The following BBS9 variants were observed in gnomAD, a reference collection of about 807,000 sequenced individuals.
BBS9 encodes the protein Bardet-Biedl syndrome 9.
A neutral mutation model predicts 117.7 loss-of-function variants in BBS9; 89 were observed. The observed-to-expected ratio is 0.76, with a 90% confidence interval of 0.64 to 0.90. BBS9 has a LOEUF of 0.90. Ranked by LOEUF, BBS9 falls within the 40% of genes least tolerant of loss-of-function variation. BBS9 has a pLI of 0.00. For missense variants in BBS9, 982 were observed against 1,042.2 expected, an observed-to-expected ratio of 0.94 and a Z score of 0.80; for synonymous variants, 379 against 370.9, an observed-to-expected ratio of 1.02 and a Z score of -0.25.
intron 9 of BBS9, among the ~76,000 whole-genome samples, chr7:33,323,798 G>A: frequency 6.9e-6 from 1 of 145,894 alleles, no homozygotes; most frequent in South Asian, 2.2e-4. Context: ...GTGGTTTCTG[G>A]TCTTCTCTTC....
At chr7:33,584,309 AT>A (rs1269961902) in intron 21 of BBS9, among the ~76,000 whole-genome samples, 2 of 152,024 alleles carry the variant, frequency 1.3e-5, no homozygotes, top group Non-Finnish European at 2.9e-5. Context: ...TAATGCATAC[AT>A]TTCTTCCTTT....
chr7:33,219,115 C>T (rs1294381299), intron 5 of BBS9, among the ~76,000 whole-genome samples: 1 of 152,218 alleles, frequency 6.6e-6, no homozygotes, highest in East Asian at 1.9e-4. Context: ...GGCTTAGCAC[C>T]CAGGCCAGCA....
At chr7:33,331,101 A>G (rs946628909) in intron 9 of BBS9, among the ~76,000 whole-genome samples, 6 of 152,242 alleles carry the variant, frequency 3.9e-5, no homozygotes, top group Non-Finnish European at 4.4e-5. Flanking sequence ...CCAGGGATGC[A>G]GGGATGATTT....
intron 9 of BBS9, among the ~76,000 whole-genome samples, chr7:33,302,390 G>C (rs1806664805): frequency 6.6e-6 from 1 of 152,028 alleles, no homozygotes; most frequent in African/African-American, 2.4e-5. Flanking sequence ...GTGTTTTCTT[G>C]TAGTGGTTTC....
intron 10 of BBS9, among the ~76,000 whole-genome samples, chr7:33,340,480 A>G (rs1306070331): frequency 6.6e-6 from 1 of 152,162 alleles, no homozygotes. Flanking sequence ...AACTACTAAC[A>G]TTAGAGACCT....
chr7:33,488,418 T>C (rs1843407571), intron 19 of BBS9, among the ~76,000 whole-genome samples: 1 of 152,206 alleles, frequency 6.6e-6, no homozygotes, highest in African/African-American at 2.4e-5. Context: ...AAAGTTGTTG[T>C]GAATACTTAA....
At chr7:33,301,058 T>G (rs1584194042) in intron 9 of BBS9, among the ~76,000 whole-genome samples, 1 of 152,190 alleles carries the variant, frequency 6.6e-6, no homozygotes, top group East Asian at 1.9e-4. Flanking sequence ...TTATTACTTC[T>G]TTGAAGGTAC....
At chr7:33,499,143 A>G (rs1031248470) in intron 19 of BBS9, among the ~76,000 whole-genome samples, 1 of 152,224 alleles carries the variant, frequency 6.6e-6, no homozygotes, top group East Asian at 1.9e-4. Flanking sequence ...GAATCCTATT[A>G]TGTGTGCAAA....
intron 19 of BBS9, among the ~76,000 whole-genome samples, chr7:33,401,054 T>A (rs978139084): frequency 2.0e-5 from 3 of 152,242 alleles, no homozygotes; most frequent in Non-Finnish European, 4.4e-5. Context: ...CCTTTTTATA[T>A]GATTTCCATA....
At position 33,313,920 on chromosome 7, in the gene BBS9, C is replaced by T. The variant is rs150188890; in HGVS notation, c.1017-22521C>T. ...GAGCAAAACATACCTCAGTATAAATCAGGAAACTGAGGTTCTAGGTTTGAT... is the reference window on the plus strand; with the variant it reads ...GAGCAAAACATACCTCAGTATAAATTAGGAAACTGAGGTTCTAGGTTTGAT... On this transcript the variant is annotated intron_variant, in intron 9 of 22. Transcript: ENST00000242067. Among the ~76,000 whole-genome samples the T allele has an allele frequency of 2.2e-3, 328 of 152,246 alleles. 3 individuals are homozygous for T. The highest frequency in any genetic ancestry group is 0.016 in the Admixed American group (239 of 15,296).
intron 21 of BBS9, among the ~76,000 whole-genome samples, chr7:33,581,054 GGTGTGTATTTT>G (rs1859793798): frequency 6.6e-6 from 1 of 151,346 alleles, no homozygotes. Context: ...CTTACCGAAA[GGTGTGTATTTT>G]GTGTGTATTT....
chr7:33,152,610 T>G, intron 2 of BBS9, 91 bp from the exon 3 acceptor site: 1 of 1,234,942 alleles, frequency 8.1e-7, no homozygotes, highest in Non-Finnish European at 1.1e-6. Context: ...AATTTTTAGA[T>G]TTCTCTTTTA....
At chr7:33,286,919 G>A (rs1412549941) in intron 9 of BBS9, among the ~76,000 whole-genome samples, 1 of 152,064 alleles carries the variant, frequency 6.6e-6, no homozygotes, top group Non-Finnish European at 1.5e-5. Context: ...GTTGCTTACT[G>A]TAATATAAAA....
intron 5 of BBS9, among the ~76,000 whole-genome samples, chr7:33,229,186 T>C (rs1441571611): frequency 6.6e-6 from 1 of 152,142 alleles, no homozygotes; most frequent in Non-Finnish European, 1.5e-5. Context: ...TTTTCTTTCA[T>C]TTCTGTGGCA....
rs2128043400 is a variant in BBS9, at chr7:33,129,817, G to A, written c.-236G>A. The A allele has an allele frequency of 6.6e-6, 1 of 152,350 alleles. No individual in the cohort carries two copies. Among genetic ancestry groups the A allele is most frequent in the South Asian group, 2.1e-4 (1 of 4,836 alleles). 9.4% of individuals were successfully genotyped at this position (152,350 alleles called of 1,614,324 possible). The stretch of plus-strand genomic sequence containing the variant: ...GGGGGAATCACTCCAACTCTGTGGA[G>A]CTGGTGGTGCTGCCTGGTGGGGCTC... On this transcript the variant is annotated 5_prime_UTR_variant, in exon 1 of 23. Transcript: ENST00000242067.
chr7:33,367,403 G>A (rs1408646130), intron 16 of BBS9, among the ~76,000 whole-genome samples: 1 of 152,096 alleles, frequency 6.6e-6, no homozygotes, highest in Non-Finnish European at 1.5e-5. Context: ...TCTCTGGCCA[G>A]TAGTAGTCTC....
intron 19 of BBS9, among the ~76,000 whole-genome samples, chr7:33,478,297 G>C (rs1584964582): frequency 6.6e-6 from 1 of 152,110 alleles, no homozygotes; most frequent in Non-Finnish European, 1.5e-5. Flanking sequence ...CCAACACCTG[G>C]GGCCCATTCT....
At chr7:33,254,733 T>C (rs1283551497) in intron 5 of BBS9, among the ~76,000 whole-genome samples, 2 of 152,206 alleles carry the variant, frequency 1.3e-5, no homozygotes, top group African/African-American at 4.8e-5. Flanking sequence ...TTAAAAAATA[T>C]TACACGTATG....
At chr7:33,215,126 A>G (rs1159485006) in intron 5 of BBS9, among the ~76,000 whole-genome samples, 1 of 152,202 alleles carries the variant, frequency 6.6e-6, no homozygotes, top group East Asian at 1.9e-4. Context: ...CGAGAGGCAG[A>G]GCTTGCAGTG....
Sources: gnomAD v4.1 joint callset for allele counts (sites outside exome capture counted in the v4.1 genomes callset) on GRCh38, gnomAD v4.1.1 for gene constraint, MANE v1.5 for transcripts, NCBI Gene and HGNC (gene_info 2026-07-23, HGNC 2026-07-21) for gene names.